TRAPPC9: variants seen among roughly 807,000 people sequenced by gnomAD.
TRAPPC9 encodes the protein IKK2 binding protein.
In TRAPPC9, 83 loss-of-function variants were observed where a neutral mutation model predicts 124.0. That is an observed-to-expected ratio of 0.67 (90% CI 0.56 to 0.80). The LOEUF is 0.80. TRAPPC9 is among the 30% of genes least tolerant of loss of function. The pLI, the probability that TRAPPC9 is intolerant of heterozygous loss-of-function variation, is 0.00. For synonymous variants in TRAPPC9, 638 were observed against 617.5 expected, an observed-to-expected ratio of 1.03 and a Z score of -0.49; for missense variants, 1,302 against 1,508.3, an observed-to-expected ratio of 0.86 and a Z score of 2.27.
intron 17 of TRAPPC9, among the ~76,000 whole-genome samples, chr8:140,032,464 G>T (rs1364321102): frequency 6.7e-6 from 1 of 150,348 alleles, no homozygotes; most frequent in Non-Finnish European, 1.5e-5. Context: ...AATTACACAT[G>T]CTGTCCACCT....
At chr8:140,024,811 C>T (rs1840034694) in intron 17 of TRAPPC9, among the ~76,000 whole-genome samples, 1 of 151,298 alleles carries the variant, frequency 6.6e-6, no homozygotes, top group South Asian at 2.1e-4. Flanking sequence ...ATCATTTCAA[C>T]ATCAGATGAG....
In TRAPPC9 at chr8:139,776,375, C is replaced by T. The variant is rs191903876; in HGVS notation, c.3056-44173G>A. 1.9e-4 allele frequency among the ~76,000 whole-genome samples: 29 copies of T among 152,332 alleles called. No homozygotes were observed. Among genetic ancestry groups the T allele is most frequent in the Admixed American group, 1.8e-3 (28 of 15,310 alleles). On this transcript the variant is annotated intron_variant, in intron 21 of 22. Coordinates refer to ENST00000438773, the MANE Select transcript of TRAPPC9 (RefSeq NM_001160372.4). The surrounding 1 kb of genome is among the most constrained non-coding windows in gnomAD (Gnocchi z 4.1). The stretch of plus-strand genomic sequence containing the variant: ...CACAACATAGTATTGATCGGTTTGT[C>T]CTCCGTGACCCAAAGAGAGGTCACA...
chr8:140,314,763 G>T (rs1245788032), intron 9 of TRAPPC9, among the ~76,000 whole-genome samples: 2 of 152,210 alleles, frequency 1.3e-5, no homozygotes, highest in African/African-American at 2.4e-5. Flanking sequence ...TGTTGCAAAT[G>T]ACAGGATTTA....
At chr8:139,818,965 G>T (rs1055832684) in intron 21 of TRAPPC9, among the ~76,000 whole-genome samples, 21 of 152,162 alleles carry the variant, frequency 1.4e-4, no homozygotes, top group African/African-American at 5.1e-4. Context: ...TAGTACAGGG[G>T]TCCCCAACCC....
intron 21 of TRAPPC9, among the ~76,000 whole-genome samples, chr8:139,839,463 G>C (rs921348284): frequency 6.6e-6 from 1 of 152,224 alleles, no homozygotes; most frequent in African/African-American, 2.4e-5. Flanking sequence ...CTGACAGGCC[G>C]TCTCTGCGGG....
intron 8 of TRAPPC9, among the ~76,000 whole-genome samples, chr8:140,361,448 C>T (rs2067951364): frequency 6.6e-6 from 1 of 152,160 alleles, no homozygotes; most frequent in African/African-American, 2.4e-5. Context: ...GGGGCCACGC[C>T]AAACTGTAAA....
intron 18 of TRAPPC9, among the ~76,000 whole-genome samples, chr8:140,006,881 A>G (rs542218691): frequency 1.4e-3 from 210 of 152,320 alleles, no homozygotes; most frequent in African/African-American, 4.9e-3. Context: ...TTCTGGGAGG[A>G]TGAAAAGTTC....
chr8:139,993,157 T>C (rs1837749804), intron 18 of TRAPPC9, among the ~76,000 whole-genome samples: 1 of 152,174 alleles, frequency 6.6e-6, no homozygotes, highest in Non-Finnish European at 1.5e-5. Flanking sequence ...TCACAGGCAT[T>C]TGCAACATAT....
intron 15 of TRAPPC9, among the ~76,000 whole-genome samples, chr8:140,265,868 A>G (rs2131579122): frequency 1.3e-5 from 2 of 152,338 alleles, no homozygotes; most frequent in Middle Eastern, 6.8e-3. Context: ...GAGAAAAGCA[A>G]TAAAGAGAAT....
chr8:140,157,546 GCTAAGCAAGGGGACT>G (rs1448333976), intron 17 of TRAPPC9, among the ~76,000 whole-genome samples: 1 of 152,252 alleles, frequency 6.6e-6, no homozygotes, highest in Non-Finnish European at 1.5e-5. Flanking sequence ...CATGAGAGAT[GCTAAGCAAGGGGACT>G]GTCGTCCAAT....
chr8:139,942,650 TTA>T (rs548523034), intron 19 of TRAPPC9, among the ~76,000 whole-genome samples: 74 of 152,274 alleles, frequency 4.9e-4, no homozygotes, highest in African/African-American at 1.6e-3. Flanking sequence ...ACATTTTTTT[TTA>T]ATAAGCAACC....
At chr8:140,050,067 C>G (rs1163458723) in intron 17 of TRAPPC9, among the ~76,000 whole-genome samples, 6 of 152,168 alleles carry the variant, frequency 3.9e-5, no homozygotes, top group Non-Finnish European at 5.9e-5. Context: ...AGGGCTAAGC[C>G]ACTGAGTGTA....
At chr8:140,300,270 T>C (rs112764593) in intron 11 of TRAPPC9, among the ~76,000 whole-genome samples, 199 bp downstream of exon 11, 1 of 141,944 alleles carries the variant, frequency 7.0e-6, no homozygotes, top group Admixed American at 6.8e-5. Flanking sequence ...TACACGCACA[T>C]ATGCACGCAT....
chr8:140,304,206 T>C (rs573115126), intron 10 of TRAPPC9, among the ~76,000 whole-genome samples: 1 of 152,212 alleles, frequency 6.6e-6, no homozygotes, highest in African/African-American at 2.4e-5. Flanking sequence ...GTGATTCTCT[T>C]GCCTCAGCCT....
intron 19 of TRAPPC9, among the ~76,000 whole-genome samples, chr8:139,951,262 C>A (rs1370368374): frequency 1.3e-5 from 2 of 152,252 alleles, no homozygotes; most frequent in African/African-American, 4.8e-5. Flanking sequence ...GTGGTCACAG[C>A]TGGGTGTCCC....
At chr8:140,085,236 C>A (rs1391410613) in intron 17 of TRAPPC9, among the ~76,000 whole-genome samples, 10 of 151,862 alleles carry the variant, frequency 6.6e-5, no homozygotes, top group African/African-American at 2.2e-4. Context: ...GAAGGCTCCA[C>A]GAGCCCACAC....
rs111436624 is a variant in TRAPPC9, at chr8:140,177,296, C to G, written c.2556+44163G>C. Among the ~76,000 whole-genome samples the G allele has an allele frequency of 5.4e-3, 815 of 152,186 alleles. 8 individuals are homozygous for G. Among genetic ancestry groups the G allele is most frequent in the African/African-American group, 0.019 (779 of 41,520 alleles). On this transcript the variant is annotated intron_variant, in intron 17 of 22. Coordinates refer to ENST00000438773, the MANE Select transcript of TRAPPC9 (RefSeq NM_001160372.4). ...ATCTCTTATATTTAAGTCTATGATC[C>G]ATTTTGATCTAATTTTTATATACAT...
intron 19 of TRAPPC9, among the ~76,000 whole-genome samples, chr8:139,944,557 A>T (rs143915878): frequency 6.6e-6 from 1 of 152,346 alleles, no homozygotes; most frequent in African/African-American, 2.4e-5. Context: ...TTGTAATCCC[A>T]ACAGCAACCA....
intron 21 of TRAPPC9, among the ~76,000 whole-genome samples, chr8:139,765,784 C>T (rs1041163604): frequency 6.6e-5 from 10 of 152,142 alleles, no homozygotes; most frequent in Admixed American, 2.0e-4. Flanking sequence ...CAAGCCTGTG[C>T]CAGTCTGCCT....
Sources: allele counts gnomAD v4.1 joint callset (sites outside exome capture counted in the v4.1 genomes callset), GRCh38; gene constraint gnomAD v4.1.1; non-coding constraint Gnocchi (gnomAD v3.1); transcripts MANE v1.5; gene names NCBI Gene and HGNC (gene_info 2026-07-23, HGNC 2026-07-21).